Variants in PCDHA3 observed in about 807,000 individuals in gnomAD.
PCDHA3 encodes the protein protocadherin alpha-3.
PCDHA3 carries 41 observed loss-of-function variants against 62.2 expected under a neutral mutation model. The observed-to-expected ratio is 0.66, with a 90% CI of 0.51 to 0.86. The LOEUF (loss-of-function observed/expected upper bound fraction) is 0.86, where lower values mean the gene tolerates loss of function less well. PCDHA3 is among the 40% of genes least tolerant of loss of function. PCDHA3 has a pLI of 0.00. For missense variants in PCDHA3, 1,304 were observed against 1,241.2 expected (o/e 1.05, Z -0.76); for synonymous variants, 640 against 555.4 (o/e 1.15, Z -2.14).
At chr5:141,005,529 C>A (rs1387576846) in intron 3 of PCDHA3, among the ~76,000 whole-genome samples, 2 of 151,154 alleles carry the variant, frequency 1.3e-5, no homozygotes, top group Non-Finnish European at 2.9e-5. Context: ...CGGTGAAACC[C>A]CGTCTCTACT....
At chr5:140,895,636 T>C (rs1554186575) in intron 1 of PCDHA3, among the ~76,000 whole-genome samples, 1 of 152,178 alleles carries the variant, frequency 6.6e-6, no homozygotes, top group Non-Finnish European at 1.5e-5. Context: ...TTTCACATTC[T>C]TTTTTAGCTC....
intron 3 of PCDHA3, among the ~76,000 whole-genome samples, chr5:140,995,128 C>T (rs2097665772): frequency 6.6e-6 from 1 of 152,146 alleles, no homozygotes; most frequent in African/African-American, 2.4e-5. Context: ...ATGCCTGAAA[C>T]CTCATTTAGT....
chr5:140,876,618 T>C (rs781928314), intron 1 of PCDHA3: 7 of 1,614,074 alleles, frequency 4.3e-6, no homozygotes, highest in African/African-American at 1.3e-5. Flanking sequence ...CTGGAGCCAA[T>C]GGACAGGTCA....
chr5:140,843,613 A>G, intron 1 of PCDHA3: 1 of 1,596,056 alleles, frequency 6.3e-7, no homozygotes, highest in Non-Finnish European at 8.6e-7. Context: ...GTGAGGGGCC[A>G]CCGAAGACGG....
intron 1 of PCDHA3, chr5:140,928,010 G>A: frequency 1.2e-6 from 2 of 1,614,168 alleles, no homozygotes; most frequent in Non-Finnish European, 1.7e-6. Context: ...GATTCTAATG[G>A]TAGGGTCATT....
chr5:140,822,576 TGC>T (rs2150117469), intron 1 of PCDHA3: 12 of 1,612,800 alleles, frequency 7.4e-6, no homozygotes, highest in Non-Finnish European at 1.0e-5. Flanking sequence ...ACGCCTCAGA[TGC>T]AGATGAGGGC....
intron 1 of PCDHA3, chr5:140,850,369 G>A (rs2041555140): frequency 1.3e-6 from 2 of 1,597,806 alleles, no homozygotes; most frequent in Admixed American, 1.7e-5. Context: ...TTCCGCGTGG[G>A]GCTGTACACG....
At chr5:140,883,662 A>G (rs371713279) in intron 1 of PCDHA3, 3 of 1,613,586 alleles carry the variant, frequency 1.9e-6, no homozygotes, top group Non-Finnish European at 2.5e-6. Context: ...GTGTTCGTGA[A>G]GGAAAACAAT....
chr5:140,815,884 G>A (rs1765807249), intron 1 of PCDHA3: 1 of 152,042 alleles, frequency 6.6e-6, no homozygotes, highest in Non-Finnish European at 1.5e-5. Context: ...TTTCTTTTCA[G>A]CACTTTCAGT....
At chr5:140,826,372 A>G (rs1554130542) in intron 1 of PCDHA3, among the ~76,000 whole-genome samples, 1 of 152,228 alleles carries the variant, frequency 6.6e-6, no homozygotes, top group Admixed American at 6.5e-5. Flanking sequence ...TGCAATAGAA[A>G]GTCAGTGATA....
chr5:140,885,480 A>G (rs782437070), intron 1 of PCDHA3, among the ~76,000 whole-genome samples: 7 of 152,158 alleles, frequency 4.6e-5, no homozygotes, highest in Non-Finnish European at 7.4e-5. Context: ...ACTTTGTGTC[A>G]AGTGTTCTGT....
intron 1 of PCDHA3, chr5:140,853,308 C>G: frequency 3.1e-6 from 3 of 983,184 alleles, no homozygotes; most frequent in Non-Finnish European, 3.7e-6. Flanking sequence ...CTGTGAACAC[C>G]TTAGTAATAA....
At chr5:140,836,753 A>C (rs2150269223) in intron 1 of PCDHA3, 1 of 1,578,360 alleles carries the variant, frequency 6.3e-7, no homozygotes, top group South Asian at 1.2e-5. Context: ...GTCATAAATA[A>C]TCTTGTTTCC....
At chr5:140,876,131 C>G in intron 1 of PCDHA3, 3 of 1,613,872 alleles carry the variant, frequency 1.9e-6, no homozygotes, top group Non-Finnish European at 2.5e-6. Context: ...GGCGGTAAAC[C>G]AGAACTAACA....
At chr5:140,939,262 T>G (rs1371349789) in intron 1 of PCDHA3, among the ~76,000 whole-genome samples, 1 of 152,146 alleles carries the variant, frequency 6.6e-6, no homozygotes, top group Non-Finnish European at 1.5e-5. Context: ...GGAACCTCTT[T>G]TATGAGAGCT....
At chr5:140,836,828 T>C (rs1233722756) in intron 1 of PCDHA3, 27 of 957,894 alleles carry the variant, frequency 2.8e-5, no homozygotes, top group Non-Finnish European at 3.7e-5. Flanking sequence ...TCTTTTTTAG[T>C]TGATAGCTTT....
chr5:140,801,779 C>T lies in PCDHA3; in HGVS notation c.582C>T (p.Leu194=), dbSNP rs782318440. The T allele has an allele frequency of 4.3e-6, 7 of 1,613,560 alleles. No homozygotes were observed. The highest frequency in any genetic ancestry group is 5.9e-6 in the Non-Finnish European group (7 of 1,179,948). The change falls in exon 1 of 4, where the codon CTC becomes CTT. Residue 194 remains leucine, a synonymous_variant. Coordinates refer to ENST00000522353, the MANE Select transcript of PCDHA3 (RefSeq NM_018906.3). ...RNDEEIKSLG[L]VLKKNLNRED... ...ATGAGGAAATTAAATCCCTTGGACT[C>T]GTGTTGAAAAAAAATTTAAATCGAG...
intron 1 of PCDHA3, among the ~76,000 whole-genome samples, chr5:140,906,637 C>A (rs1171706512): frequency 6.6e-6 from 1 of 152,226 alleles, no homozygotes; most frequent in Non-Finnish European, 1.5e-5. Flanking sequence ...AGCACCTCAG[C>A]AGGTAGTGGT....
chr5:140,867,634 A>G (rs2050082134), intron 1 of PCDHA3: 1 of 152,166 alleles, frequency 6.6e-6, no homozygotes, highest in Admixed American at 6.5e-5. Flanking sequence ...TATTTAAGCT[A>G]GAGTGATATT....
Sources: allele counts gnomAD v4.1 joint callset (sites outside exome capture counted in the v4.1 genomes callset), GRCh38; gene constraint gnomAD v4.1.1; transcripts MANE v1.5; gene names NCBI Gene and HGNC (gene_info 2026-07-23, HGNC 2026-07-21).